FGF14: variants seen among roughly 807,000 people sequenced by gnomAD.
FGF14 encodes the protein fibroblast growth factor 14, also known as fibroblast growth factor homologous factor 4.
In FGF14, 5 loss-of-function variants were observed where a neutral mutation model predicts 25.5. That is an observed-to-expected ratio of 0.20 (90% CI 0.10 to 0.41). The LOEUF is 0.41. Among genes scored for constraint, FGF14 ranks in the 10% least tolerant of loss-of-function variants. The pLI is 1.00. For missense variants in FGF14, 222 were observed against 320.1 expected (o/e 0.69, Z 2.34); for synonymous variants, 138 against 118.3 (o/e 1.17, Z -1.08).
chr13:102,342,973 A>G (rs943518765), intron 1 of FGF14, among the ~76,000 whole-genome samples: 1 of 152,192 alleles, frequency 6.6e-6, no homozygotes, highest in Admixed American at 6.6e-5. Context: ...TTTCAACTAC[A>G]ACATTAATAC....
At chr13:101,780,675 A>T (rs887424339) in intron 3 of FGF14, among the ~76,000 whole-genome samples, 1 of 151,978 alleles carries the variant, frequency 6.6e-6, no homozygotes, top group African/African-American at 2.4e-5. Flanking sequence ...TTCTTTAAGA[A>T]ACCCTTATTA....
At chr13:102,165,597 T>C (rs2047967405) in intron 1 of FGF14, among the ~76,000 whole-genome samples, 1 of 134,018 alleles carries the variant, frequency 7.5e-6, no homozygotes, top group African/African-American at 2.9e-5. Context: ...TTCTCACTCA[T>C]AGGTGGGAAT....
intron 1 of FGF14, among the ~76,000 whole-genome samples, chr13:102,044,758 A>G (rs1260831443): frequency 6.6e-6 from 1 of 152,170 alleles, no homozygotes. Flanking sequence ...CAAGAAGAAG[A>G]AAGATATACA....
At chr13:101,909,597 T>G (rs1239475939) in intron 1 of FGF14, among the ~76,000 whole-genome samples, 2 of 152,074 alleles carry the variant, frequency 1.3e-5, no homozygotes, top group Admixed American at 6.5e-5. Context: ...AAACAACAGG[T>G]GATAGAGAGG....
intron 1 of FGF14, among the ~76,000 whole-genome samples, chr13:102,183,928 T>G (rs1041260425): frequency 6.6e-6 from 1 of 152,198 alleles, no homozygotes; most frequent in Non-Finnish European, 1.5e-5. Context: ...ACCACACAGA[T>G]GCTCACCCAG....
At chr13:101,942,557 ATCTC>A (rs974689435) in intron 1 of FGF14, among the ~76,000 whole-genome samples, 1 of 152,188 alleles carries the variant, frequency 6.6e-6, no homozygotes, top group Non-Finnish European at 1.5e-5. Context: ...TGCAAATTAT[ATCTC>A]TCTGAGAAAA....
chr13:101,768,238 T>C (rs1472671900), intron 3 of FGF14, among the ~76,000 whole-genome samples: 1 of 151,954 alleles, frequency 6.6e-6, no homozygotes, highest in Non-Finnish European at 1.5e-5. Context: ...GAAGAAAATA[T>C]GTTTAAAAGT....
chr13:102,398,013 A>AGT (rs3067869), intron 1 of FGF14, among the ~76,000 whole-genome samples: 17,757 of 147,018 alleles, frequency 0.12, 1,085 homozygotes, highest in Admixed American at 0.19. Context: ...GACATTTAAG[A>AGT]GTGTGTGTGT....
At chr13:101,902,057 T>A (rs181084502) in intron 1 of FGF14, among the ~76,000 whole-genome samples, 15 of 152,152 alleles carry the variant, frequency 9.9e-5, no homozygotes, top group Non-Finnish European at 5.9e-5. Context: ...ATTGGTTGCT[T>A]TATTTTTACT....
chr13:102,395,094 T>G (rs1181991985), intron 1 of FGF14: 1 of 152,222 alleles, frequency 6.6e-6, no homozygotes, highest in African/African-American at 2.4e-5. Flanking sequence ...AGCTGCGAAG[T>G]TGGAAGATTA....
chr13:102,141,372 C>T (rs1019995641), intron 1 of FGF14, among the ~76,000 whole-genome samples: 4 of 152,168 alleles, frequency 2.6e-5, no homozygotes, highest in African/African-American at 9.6e-5. Flanking sequence ...CTACGTTAAA[C>T]AAGACAGTTT....
Position 101,960,633 on chromosome 13 carries a change from A to T in FGF14, c.209-85337T>A, listed in dbSNP as rs145054276. ...TTGATTCCATGCCTTTGCTATTGTG[A>T]ATAGGGCTGCAATGAACATACACGT... On this transcript the variant is annotated intron_variant, in intron 1 of 4. Transcript: ENST00000376131. Among the ~76,000 whole-genome samples, 161 of 152,290 alleles carry T rather than the reference A, an allele frequency of 1.1e-3. 1 individual carries two copies. The highest frequency in any genetic ancestry group is 3.7e-3 in the African/African-American group (153 of 41,556).
At chr13:102,388,726 C>G (rs1468499021) in intron 1 of FGF14, among the ~76,000 whole-genome samples, 1 of 152,172 alleles carries the variant, frequency 6.6e-6, no homozygotes, top group Non-Finnish European at 1.5e-5. Context: ...TTATTGCTTT[C>G]TTAGTACAAA....
chr13:101,847,869 G>A (rs567843037), intron 3 of FGF14, among the ~76,000 whole-genome samples: 11 of 152,092 alleles, frequency 7.2e-5, no homozygotes, highest in African/African-American at 1.9e-4. Context: ...CACAGGAAAC[G>A]TTTAACAGAG....
intron 1 of FGF14, among the ~76,000 whole-genome samples, chr13:102,160,116 G>C (rs2047552710): frequency 6.6e-6 from 1 of 152,082 alleles, no homozygotes; most frequent in South Asian, 2.1e-4. Flanking sequence ...CTCCAATATG[G>C]GGGGCTCTAA....
chr13:102,241,723 C>A (rs924737824), intron 1 of FGF14, among the ~76,000 whole-genome samples: 1 of 152,080 alleles, frequency 6.6e-6, no homozygotes, highest in Non-Finnish European at 1.5e-5. Flanking sequence ...ACAGAGCCAT[C>A]CACTTAATGA....
chr13:102,012,407 G>T (rs750132490), intron 1 of FGF14, among the ~76,000 whole-genome samples: 1 of 152,126 alleles, frequency 6.6e-6, no homozygotes, highest in Non-Finnish European at 1.5e-5. Context: ...GCAGGCCTTT[G>T]TTATGTCTGG....
chr13:102,127,611 A>C (rs980561962), intron 1 of FGF14, among the ~76,000 whole-genome samples: 4 of 152,216 alleles, frequency 2.6e-5, no homozygotes, highest in African/African-American at 9.6e-5. Context: ...ATGAATGCTT[A>C]TGATTTTATT....
intron 1 of FGF14, among the ~76,000 whole-genome samples, chr13:101,997,649 C>T (rs1166446849): frequency 6.6e-6 from 1 of 152,116 alleles, no homozygotes; most frequent in African/African-American, 2.4e-5. Context: ...AGAGATGTTG[C>T]TAGTCCGGGG....
Sources: allele counts gnomAD v4.1 joint callset (sites outside exome capture counted in the v4.1 genomes callset), GRCh38; gene constraint gnomAD v4.1.1; transcripts MANE v1.5; gene names NCBI Gene and HGNC (gene_info 2026-07-23, HGNC 2026-07-21).